Variants in PDSS2 observed in about 807,000 individuals in gnomAD.
PDSS2 encodes the protein decaprenyl diphosphate synthase subunit 2.
In PDSS2, 31 loss-of-function variants were observed where a neutral mutation model predicts 44.5. The observed-to-expected ratio is 0.70, with a 90% CI of 0.52 to 0.94. The LOEUF (loss-of-function observed/expected upper bound fraction) is 0.94, where lower values mean the gene tolerates loss of function less well. Among genes scored for constraint, PDSS2 ranks in the 40% least tolerant of loss-of-function variants. PDSS2 has a pLI of 0.00. For missense variants in PDSS2, 452 were observed against 482.2 expected (o/e 0.94, Z 0.59); for synonymous variants, 157 against 180.3 (o/e 0.87, Z 1.03).
chr6:107,268,262 T>C (rs1328246048), intron 3 of PDSS2, among the ~76,000 whole-genome samples: 5 of 152,146 alleles, frequency 3.3e-5, no homozygotes, highest in African/African-American at 1.2e-4. Context: ...GTCTTTAAAG[T>C]GTGAATACTA....
intron 1 of PDSS2, among the ~76,000 whole-genome samples, chr6:107,439,639 G>A (rs1781457758): frequency 6.6e-6 from 1 of 152,182 alleles, no homozygotes; most frequent in Non-Finnish European, 1.5e-5. Flanking sequence ...GGGTGATCCT[G>A]AGAATCAGCT....
chr6:107,343,293 T>C (rs1345392118), intron 1 of PDSS2, among the ~76,000 whole-genome samples: 1 of 152,168 alleles, frequency 6.6e-6, no homozygotes, highest in African/African-American at 2.4e-5. Context: ...TACAGACAAC[T>C]GAAACAAAAG....
chr6:107,181,647 T>C (rs1381174187), intron 7 of PDSS2, among the ~76,000 whole-genome samples: 1 of 151,568 alleles, frequency 6.6e-6, no homozygotes, highest in Non-Finnish European at 1.5e-5. Flanking sequence ...CCCAGCACTT[T>C]GGGAGGCTGA....
chr6:107,299,109 T>C (rs1490441049), intron 2 of PDSS2, among the ~76,000 whole-genome samples: 3 of 113,948 alleles, frequency 2.6e-5, no homozygotes, highest in Non-Finnish European at 4.9e-5. Flanking sequence ...ATCGTATCAC[T>C]ACACTCCAGT....
intron 6 of PDSS2, among the ~76,000 whole-genome samples, chr6:107,198,800 T>TAACAACAAC (rs35128756): frequency 0.068 from 10,104 of 149,368 alleles, 442 homozygotes; most frequent in Non-Finnish European, 0.095. Flanking sequence ...CTACAAACAA[T>TAACAACAAC]AACAACAACA....
At position 107,207,988 on chromosome 6, in the gene PDSS2, T is replaced by G. The variant is rs867694355; in HGVS notation, c.1008+2451A>C. On this transcript the variant is annotated intron_variant, in intron 6 of 7. Transcript: ENST00000369037. ...CTCTGTCTATGACTTGTTTTTTTTT[T>G]TTTTTTTTTTTTTATGAAACAGAGT... 4.9e-4 allele frequency among the ~76,000 whole-genome samples: 71 copies of G among 143,892 alleles called. 2 individuals are homozygous for G. The highest frequency in any genetic ancestry group is 1.7e-3 in the Admixed American group (25 of 14,336). 94.4% of individuals were successfully genotyped at this position (143,892 alleles called of 152,430 possible).
chr6:107,180,598 CT>C (rs924192926), intron 7 of PDSS2, among the ~76,000 whole-genome samples: 41 of 152,274 alleles, frequency 2.7e-4, no homozygotes, highest in Admixed American at 1.6e-3. Flanking sequence ...CTGTAGTAGG[CT>C]TTCACGGTGC....
chr6:107,428,391 C>T (rs1583071842), intron 1 of PDSS2, among the ~76,000 whole-genome samples: 1 of 152,198 alleles, frequency 6.6e-6, no homozygotes, highest in Non-Finnish European at 1.5e-5. Flanking sequence ...GAATGATACA[C>T]AAGATGAATG....
intron 1 of PDSS2, among the ~76,000 whole-genome samples, chr6:107,410,968 T>C (rs1045841020): frequency 2.6e-5 from 4 of 151,954 alleles, no homozygotes; most frequent in African/African-American, 9.7e-5. Context: ...CACTGCAACC[T>C]CTGCCCCCTG....
chr6:107,333,943 T>C (rs187454500), intron 2 of PDSS2, among the ~76,000 whole-genome samples: 17 of 152,268 alleles, frequency 1.1e-4, no homozygotes, highest in Admixed American at 5.9e-4. Flanking sequence ...GGAGAAGTGA[T>C]GAACAGAAAA....
chr6:107,297,224 A>C (rs923212365), intron 2 of PDSS2, among the ~76,000 whole-genome samples: 12 of 152,224 alleles, frequency 7.9e-5, no homozygotes, highest in African/African-American at 2.9e-4. Flanking sequence ...AGTCAGTCTC[A>C]GATTTAATGT....
At chr6:107,408,738 C>T (rs72941739) in intron 1 of PDSS2, among the ~76,000 whole-genome samples, 10,167 of 152,200 alleles carry the variant, frequency 0.067, 415 homozygotes, top group Non-Finnish European at 0.092. Context: ...GTTACCATGC[C>T]TTCTGAATTT....
intron 2 of PDSS2, among the ~76,000 whole-genome samples, chr6:107,281,860 T>C (rs1265956631): frequency 6.6e-6 from 1 of 152,182 alleles, no homozygotes; most frequent in Non-Finnish European, 1.5e-5. Context: ...AGGCTGCCTA[T>C]AAATATCTGT....
chr6:107,360,874 C>CA (rs749203649), intron 1 of PDSS2, among the ~76,000 whole-genome samples: 1 of 152,154 alleles, frequency 6.6e-6, no homozygotes, highest in African/African-American at 2.4e-5. Context: ...ACATACTGGG[C>CA]AGTATTTCCT....
chr6:107,174,316 GGAA>G (rs1333694804), intron 7 of PDSS2, among the ~76,000 whole-genome samples: 1 of 152,170 alleles, frequency 6.6e-6, no homozygotes, highest in Non-Finnish European at 1.5e-5. Flanking sequence ...AAAGTTTCTC[GGAA>G]GAAGATTCCA....
intron 2 of PDSS2, among the ~76,000 whole-genome samples, chr6:107,306,555 A>T (rs1035438788): frequency 4.6e-5 from 7 of 152,230 alleles, no homozygotes; most frequent in African/African-American, 1.4e-4. Context: ...GCTCAAAAAA[A>T]TTGTTTAATG....
intron 2 of PDSS2, among the ~76,000 whole-genome samples, chr6:107,297,835 T>C (rs1366529333): frequency 6.6e-6 from 1 of 152,168 alleles, no homozygotes. Context: ...AACCTCCACC[T>C]CCCAGGTTCT....
At chr6:107,159,710 G>A (rs920148163) in intron 7 of PDSS2, among the ~76,000 whole-genome samples, 27 of 151,962 alleles carry the variant, frequency 1.8e-4, no homozygotes, top group African/African-American at 6.5e-4. Flanking sequence ...GAGCCACTGC[G>A]CTGGGCCAAG....
chr6:107,271,466 C>T (rs779446157), intron 3 of PDSS2, among the ~76,000 whole-genome samples: 2 of 152,202 alleles, frequency 1.3e-5, no homozygotes, highest in Non-Finnish European at 2.9e-5. Context: ...TTTACAGACA[C>T]CCAAACCTAT....
Sources: allele counts gnomAD v4.1 joint callset (sites outside exome capture counted in the v4.1 genomes callset), GRCh38; gene constraint gnomAD v4.1.1; transcripts MANE v1.5; gene names NCBI Gene and HGNC (gene_info 2026-07-23, HGNC 2026-07-21).